ZEB1: variants seen among roughly 807,000 people sequenced by gnomAD.
ZEB1 encodes zinc finger E-box-binding homeobox 1.
Under a neutral mutation model 84.9 loss-of-function variants are expected in ZEB1, and 21 were observed. The ratio of observed to expected loss-of-function variants is 0.25; its 90% CI spans 0.18 to 0.36. The LOEUF is 0.36. Ranked by LOEUF, ZEB1 falls within the 10% of genes least tolerant of loss-of-function variation. ZEB1 has a pLI of 1.00. For missense variants in ZEB1, 1,104 were observed against 1,330.2 expected (o/e 0.83, Z 2.65); for synonymous variants, 420 against 471.1 (o/e 0.89, Z 1.41).
intron 1 of ZEB1, among the ~76,000 whole-genome samples, chr10:31,455,853 T>C (rs1457641106): frequency 6.6e-6 from 1 of 152,172 alleles, no homozygotes; most frequent in Non-Finnish European, 1.5e-5. Context: ...ATGTGGCGAT[T>C]CCTCAAGGAT....
At chr10:31,420,110 A>G (rs886806570) in intron 1 of ZEB1, among the ~76,000 whole-genome samples, 3 of 152,170 alleles carry the variant, frequency 2.0e-5, no homozygotes, top group African/African-American at 7.2e-5. Context: ...CTTAAGTCCT[A>G]TAACACATGT....
chr10:31,475,994 A>T (rs1048154328), intron 2 of ZEB1, among the ~76,000 whole-genome samples: 3 of 152,050 alleles, frequency 2.0e-5, no homozygotes, highest in Non-Finnish European at 4.4e-5. Flanking sequence ...AACACTAGCA[A>T]ATTGGATAAA....
intron 1 of ZEB1, among the ~76,000 whole-genome samples, chr10:31,447,817 C>G (rs2059990152): frequency 6.6e-6 from 1 of 151,858 alleles, no homozygotes; most frequent in South Asian, 2.1e-4. Context: ...TGAGGGTAAC[C>G]CGACCTTTCT....
At chr10:31,421,984 A>T (rs543191987) in intron 1 of ZEB1, among the ~76,000 whole-genome samples, 1 of 151,918 alleles carries the variant, frequency 6.6e-6, no homozygotes, top group African/African-American at 2.4e-5. Flanking sequence ...AGACACAAAC[A>T]TTGACCCTGA....
intron 1 of ZEB1, chr10:31,373,106 T>G (rs985456316): frequency 2.7e-5 from 27 of 985,566 alleles, no homozygotes; most frequent in Non-Finnish European, 3.0e-5. Context: ...ATTTGGCTAC[T>G]GTCTGCTTGA....
chr10:31,449,067 T>C (rs891748797), intron 1 of ZEB1, among the ~76,000 whole-genome samples: 19 of 152,242 alleles, frequency 1.2e-4, no homozygotes, highest in Admixed American at 9.2e-4. Context: ...CCAGCGAGAC[T>C]CCGTGGGCGT....
At chr10:31,525,159 C>T (rs761550171) in intron 8 of ZEB1, among the ~76,000 whole-genome samples, 1 of 152,162 alleles carries the variant, frequency 6.6e-6, no homozygotes, top group Non-Finnish European at 1.5e-5. Context: ...AAGACAGCAT[C>T]GCCTATTCAT....
chr10:31,410,152 A>AAATG (rs1339168923), intron 1 of ZEB1, among the ~76,000 whole-genome samples: 3 of 152,234 alleles, frequency 2.0e-5, no homozygotes, highest in Non-Finnish European at 4.4e-5. Flanking sequence ...GGTTTGTCAT[A>AAATG]AATGGCTGTT....
intron 1 of ZEB1, among the ~76,000 whole-genome samples, chr10:31,439,823 A>C (rs1378936235): frequency 2.6e-5 from 4 of 152,178 alleles, no homozygotes; most frequent in African/African-American, 9.7e-5. Context: ...AGTAGAAGAC[A>C]AAGTCTGAGA....
Position 31,520,852 on chromosome 10 carries a change from A to C in ZEB1, c.1520A>C (p.Glu507Ala), listed in dbSNP as rs781083816. Residue 507 changes from glutamate to alanine, a missense_variant, in exon 7 of 9, where the codon GAA (glutamate) becomes GCA (alanine). Glu to Ala is a moderately radical substitution (Grantham distance 107). Coordinates refer to ENST00000424869, the MANE Select transcript of ZEB1 (RefSeq NM_001174096.2). The surrounding 1 kb of genome is among the most constrained non-coding windows in gnomAD (Gnocchi z 5.1). Reference protein sequence around the residue: ...NPVATNSCKSEKLPEDLTVKS... With the variant: ...NPVATNSCKSAKLPEDLTVKS... ...GTCGCTACAAACAGTTGTAAAAGTG[A>C]AAAGTTACCAGAAGATCTTACTGTT... 9 of 1,614,138 alleles carry C rather than the reference A, an allele frequency of 5.6e-6. No individual in the cohort carries two copies. Among genetic ancestry groups the C allele is most frequent in the Non-Finnish European group, 7.6e-6 (9 of 1,180,008 alleles).
intron 2 of ZEB1, among the ~76,000 whole-genome samples, chr10:31,470,936 A>G (rs1439610793): frequency 7.2e-6 from 1 of 138,170 alleles, no homozygotes; most frequent in Non-Finnish European, 1.6e-5. Context: ...AGAATTTTCA[A>G]CCCAGAATTT....
chr10:31,454,723 C>G (rs1017272395), intron 1 of ZEB1, among the ~76,000 whole-genome samples: 1 of 152,112 alleles, frequency 6.6e-6, no homozygotes, highest in African/African-American at 2.4e-5. Context: ...AGGACCTCTT[C>G]AAGGAGAACT....
chr10:31,478,777 A>G (rs2064635272), intron 2 of ZEB1, among the ~76,000 whole-genome samples: 1 of 151,946 alleles, frequency 6.6e-6, no homozygotes, highest in African/African-American at 2.4e-5. Flanking sequence ...AATACTGCAC[A>G]TTCTCACTTG....
chr10:31,342,960 TTTTG>T (rs1160164465), intron 1 of ZEB1, among the ~76,000 whole-genome samples: 3 of 152,146 alleles, frequency 2.0e-5, no homozygotes, highest in Middle Eastern at 3.2e-3. Flanking sequence ...AGAACAAAAT[TTTTG>T]TTTGTGTTTG....
intron 1 of ZEB1, among the ~76,000 whole-genome samples, chr10:31,382,006 CAAAA>C (rs535534850): frequency 1.9e-3 from 77 of 40,780 alleles, no homozygotes; most frequent in African/African-American, 3.0e-3. Flanking sequence ...GAGACTGTCT[CAAAA>C]AAAAAAAAAA....
Position 31,406,143 on chromosome 10 carries a change from C to T in ZEB1, c.59-54894C>T, listed in dbSNP as rs544889047. The stretch of plus-strand genomic sequence containing the variant: ...GTTTTTGCTATTGTGAACAGTGCTG[C>T]AGTAAACATACATATGCGTGTGTCT... On this transcript the variant is annotated intron_variant, in intron 1 of 8. Transcript: ENST00000424869. Among the ~76,000 whole-genome samples, 6 of 152,276 alleles carry T rather than the reference C, an allele frequency of 3.9e-5. No homozygotes were observed. In the East Asian group the frequency reaches 1.2e-3, roughly 29 times the overall value.
At chr10:31,414,583 T>A (rs111277533) in intron 1 of ZEB1, among the ~76,000 whole-genome samples, 5 of 152,206 alleles carry the variant, frequency 3.3e-5, no homozygotes, top group African/African-American at 1.2e-4. Flanking sequence ...GAAATTTACT[T>A]CTCAACTAAG....
chr10:31,318,990 T>C, upstream of ZEB1: 1 of 551,286 alleles, frequency 1.8e-6, no homozygotes. Flanking sequence ...AGGAAAACTT[T>C]TCCCTCGCCC....
At chr10:31,415,916 T>A (rs536744625) in intron 1 of ZEB1, among the ~76,000 whole-genome samples, 15 of 152,188 alleles carry the variant, frequency 9.9e-5, no homozygotes, top group African/African-American at 3.4e-4. Flanking sequence ...CAGGTTGACA[T>A]CCAAAAATTT....
Sources: gnomAD v4.1 joint callset for allele counts (sites outside exome capture counted in the v4.1 genomes callset) on GRCh38, gnomAD v4.1.1 for gene constraint, Gnocchi (gnomAD v3.1) non-coding constraint, MANE v1.5 for transcripts, NCBI Gene and HGNC (gene_info 2026-07-23, HGNC 2026-07-21) for gene names.